Variants in ACO2 observed in about 807,000 individuals in gnomAD.
ACO2 encodes the protein aconitase 2, also known as aconitate hydratase, mitochondrial.
A neutral mutation model predicts 84.5 loss-of-function variants in ACO2; 31 were observed. That is an observed-to-expected ratio of 0.37 (90% CI 0.28 to 0.50). The LOEUF is 0.50. Among genes scored for constraint, ACO2 ranks in the 20% least tolerant of loss-of-function variants. ACO2 has a pLI of 0.97. For synonymous variants in ACO2, 414 were observed against 412.7 expected (o/e 1.00, Z -0.04); for missense variants, 685 against 1,029.3 (o/e 0.67, Z 4.58).
intron 1 of ACO2, among the ~76,000 whole-genome samples, chr22:41,479,906 C>G (rs1030518347): frequency 1.3e-5 from 2 of 152,158 alleles, no homozygotes; most frequent in East Asian, 3.8e-4. Context: ...CAGCCTATTC[C>G]TTAAAGGAAC....
Position 41,527,432 on chromosome 22 carries a change from T to G in ACO2, c.2086+12T>G. On this transcript the variant is annotated intron_variant, in intron 16 of 17. Transcript: ENST00000216254. ...TGCCAGGATCCACGGTGAGCTGGAG[T>G]CTGTACCCAGGCCATCCTCATCCCA... The G allele has an allele frequency of 6.2e-7, 1 of 1,603,978 alleles. No individual in the cohort carries two copies. Among genetic ancestry groups the G allele is most frequent in the Non-Finnish European group, 8.5e-7 (1 of 1,175,748 alleles).
Position 41,516,085 on chromosome 22 carries a change from G to A in ACO2, c.835+168G>A, listed in dbSNP as rs2066474057. On this transcript the variant is annotated intron_variant, in intron 6 of 17. Transcript: ENST00000216254. The stretch of plus-strand genomic sequence containing the variant: ...AAAATTGGAGACAGCATTAGAGATT[G>A]TCTAGTCCACATCCTCATTAAACAG... 10 of 833,434 alleles carry A rather than the reference G, an allele frequency of 1.2e-5. No individual in the cohort carries two copies. In the South Asian group the frequency reaches 1.5e-4, roughly 12 times the overall value. 51.6% of individuals were successfully genotyped at this position (833,434 alleles called of 1,614,324 possible).
At chr22:41,502,011 GC>G (rs1301027895) in intron 2 of ACO2, among the ~76,000 whole-genome samples, 2 of 152,044 alleles carry the variant, frequency 1.3e-5, no homozygotes, top group East Asian at 1.9e-4. Context: ...TTCCATCTCT[GC>G]CCCCCACCAT....
rs1232332113 is a variant in ACO2 at position 41,517,523 on chromosome 22, A to C, written c.836-4A>C. ...CCAATGCCCGGGGCTCTGTTGCTCC[A>C]CAGGCATGGCGACAATCTGCAACAT... On this transcript the variant is annotated splice_region_variant and splice_polypyrimidine_tract_variant and intron_variant, in intron 6 of 17. Transcript: ENST00000216254. 6.2e-7 allele frequency: 1 copy of C among 1,613,342 alleles called. No homozygotes were observed. Among genetic ancestry groups the C allele is most frequent in the South Asian group, 1.1e-5 (1 of 91,064 alleles).
At chr22:41,485,404 G>A (rs899659837) in intron 1 of ACO2, among the ~76,000 whole-genome samples, 9 of 151,300 alleles carry the variant, frequency 5.9e-5, no homozygotes, top group Non-Finnish European at 1.2e-4. Context: ...GAGTAGCTGG[G>A]ATTACAGCAT....
chr22:41,507,329 G>A (rs775919124), intron 2 of ACO2, among the ~76,000 whole-genome samples: 4 of 152,104 alleles, frequency 2.6e-5, no homozygotes, highest in Non-Finnish European at 4.4e-5. Flanking sequence ...GCCTTAGTGG[G>A]GCTGAGGGCA....
intron 1 of ACO2, among the ~76,000 whole-genome samples, chr22:41,491,669 A>G (rs2066272607): frequency 6.6e-6 from 1 of 152,248 alleles, no homozygotes; most frequent in Admixed American, 6.5e-5. Flanking sequence ...TTTTACGTTC[A>G]TCTCCTTTAT....
intron 16 of ACO2, 105 bp downstream of exon 16, chr22:41,527,525 T>G (rs2066626807): frequency 6.9e-7 from 1 of 1,454,846 alleles, no homozygotes; most frequent in Non-Finnish European, 9.2e-7. Context: ...CTGTGTCCAC[T>G]GCAGCCCACA....
At chr22:41,519,291 C>T (rs572578661) in intron 8 of ACO2, among the ~76,000 whole-genome samples, 24 of 152,320 alleles carry the variant, frequency 1.6e-4, no homozygotes, top group East Asian at 1.5e-3. Flanking sequence ...GTTCACACCT[C>T]GGCTCTGCCA....
At chr22:41,523,496 G>A (rs2066544739) in intron 11 of ACO2, among the ~76,000 whole-genome samples, 1 of 152,268 alleles carries the variant, frequency 6.6e-6, no homozygotes, top group Non-Finnish European at 1.5e-5. Context: ...CTTGGCTGAA[G>A]CCTGGGCTGG....
chr22:41,515,597 G>A lies in ACO2; in HGVS notation c.684+62G>A, dbSNP rs1375949741. The A allele has an allele frequency of 3.9e-5, 61 of 1,574,952 alleles. No individual in the cohort carries two copies. The South Asian group carries it at 5.3e-4, about 14-fold the overall frequency. ...GGGGTGGTGGTTGGTGGGGATGAAC[G>A]GGAGACGGTGGGACCCAGGAGGGAA... On this transcript the variant is annotated intron_variant, in intron 5 of 17. Transcript: ENST00000216254. This position sits in a 1 kb window ranked among gnomAD's most constrained non-coding sequence, Gnocchi z 5.8.
chr22:41,495,678 T>C (rs2066307952), intron 1 of ACO2, among the ~76,000 whole-genome samples: 2 of 150,878 alleles, frequency 1.3e-5, no homozygotes, highest in African/African-American at 4.9e-5. Flanking sequence ...TGGAGTGCAG[T>C]GATGTGATCT....
At chr22:41,501,149 G>A (rs1569010495) in intron 2 of ACO2, among the ~76,000 whole-genome samples, 2 of 152,220 alleles carry the variant, frequency 1.3e-5, no homozygotes, top group South Asian at 2.1e-4. Context: ...GACCACAGGC[G>A]TGAGCCACCA....
At chr22:41,518,662 G>A (rs1397622674) in intron 8 of ACO2, 90 bp downstream of exon 8, 6 of 1,023,744 alleles carry the variant, frequency 5.9e-6, no homozygotes, top group Non-Finnish European at 4.6e-6. Context: ...AGGGCCGGGT[G>A]GTGGCTCACA....
At chr22:41,481,412 T>C (rs1211765335) in intron 1 of ACO2, among the ~76,000 whole-genome samples, 1 of 152,222 alleles carries the variant, frequency 6.6e-6, no homozygotes, top group African/African-American at 2.4e-5. Flanking sequence ...TGTAGCTTGC[T>C]CTGTATGCTG....
Position 41,526,052 on chromosome 22 carries a change from C to T in ACO2, c.1762-210C>T, listed in dbSNP as rs540690362. ...ATAAGGGAGACTGAGCAGCCAGAGG[C>T]CTTTGAGGGGATGAAGGCCTGGCCT... is the stretch of plus-strand genomic sequence containing the variant. On this transcript the variant is annotated intron_variant, in intron 14 of 17. Coordinates refer to ENST00000216254, the MANE Select transcript of ACO2 (RefSeq NM_001098.3). 4.0e-4 allele frequency: 213 copies of T among 527,144 alleles called. 1 individual carries two copies. Among genetic ancestry groups the T allele is most frequent in the Middle Eastern group, 1.0e-3 (2 of 1,976 alleles). The allele number at this position is 527,144 out of a possible 1,614,324, so 32.7% of individuals were successfully genotyped here.
Position 41,515,377 on chromosome 22 carries a change from A to G in ACO2, c.526A>G (p.Ile176Val). Residue 176 changes from isoleucine (I) to valine (V), a missense_variant and splice_region_variant, in exon 5 of 18, where the codon ATT (isoleucine) becomes GTT (valine). By Grantham distance (29) the Ile-to-Val change is conservative. Around this residue, in one of 5 missense-constraint regions of ACO2, gnomAD observed 92 missense variants for 203.7 expected, o/e 0.45. Transcript: ENST00000216254. This position sits in a 1 kb window ranked among gnomAD's most constrained non-coding sequence, Gnocchi z 5.8. ...TATAACATCTTGGATTATTTTTCAG[A>G]TTATTCTGGAAAACTATGCGTACCC... The part of the protein sequence containing the change: ...WKPGSGIIHQ[I>V]ILENYAYPGV... 1 of 1,612,240 alleles carries G rather than the reference A, an allele frequency of 6.2e-7. No homozygotes were observed. The highest frequency in any genetic ancestry group is 8.5e-7 in the Non-Finnish European group (1 of 1,179,834).
At chr22:41,516,900 A>ATT (rs140798328) in intron 6 of ACO2, among the ~76,000 whole-genome samples, 2 of 149,784 alleles carry the variant, frequency 1.3e-5, no homozygotes, top group African/African-American at 4.9e-5. Context: ...TTTTTTTTGT[A>ATT]TTTTTTTTTA....
intron 1 of ACO2, among the ~76,000 whole-genome samples, chr22:41,496,181 G>A (rs952863474): frequency 6.6e-6 from 1 of 151,886 alleles, no homozygotes; most frequent in South Asian, 2.1e-4. Flanking sequence ...AGGTGTGGTA[G>A]TGCACGCCTG....
Sources: allele counts gnomAD v4.1 joint callset (sites outside exome capture counted in the v4.1 genomes callset), GRCh38; gene constraint gnomAD v4.1.1; regional missense constraint gnomAD v4.1.1; non-coding constraint Gnocchi (gnomAD v3.1); transcripts MANE v1.5; gene names NCBI Gene and HGNC (gene_info 2026-07-23, HGNC 2026-07-21).